The following PCDHA2 variants were observed in gnomAD, a reference collection of about 807,000 sequenced individuals.
PCDHA2 encodes the protein protocadherin alpha 2.
A neutral mutation model predicts 66.0 loss-of-function variants in PCDHA2; 58 were observed. The ratio of observed to expected loss-of-function variants is 0.88; its 90% CI spans 0.71 to 1.09. PCDHA2 has a LOEUF of 1.09. Among genes scored for constraint, PCDHA2 ranks in the 50% least tolerant of loss-of-function variants. PCDHA2 has a pLI of 0.00. For missense variants in PCDHA2, 1,267 were observed against 1,242.3 expected, an observed-to-expected ratio of 1.02 and a Z score of -0.30; for synonymous variants, 634 against 554.0, an observed-to-expected ratio of 1.14 and a Z score of -2.03.
intron 1 of PCDHA2, chr5:140,870,781 A>T: frequency 2.5e-6 from 4 of 1,613,654 alleles, no homozygotes; most frequent in Non-Finnish European, 3.4e-6. Flanking sequence ...CGAGAACGAC[A>T]ACGCGCCGGC....
At chr5:140,976,740 A>C (rs1425716353) in intron 1 of PCDHA2, among the ~76,000 whole-genome samples, 7 of 152,192 alleles carry the variant, frequency 4.6e-5, no homozygotes, top group African/African-American at 1.7e-4. Flanking sequence ...CACATTTTAA[A>C]AACCTCCCAG....
intron 3 of PCDHA2, among the ~76,000 whole-genome samples, chr5:140,997,793 T>G (rs2097785892): frequency 6.6e-6 from 1 of 152,112 alleles, no homozygotes; most frequent in Non-Finnish European, 1.5e-5. Context: ...ATATTATAAT[T>G]TATCCAATTT....
chr5:141,004,486 C>CT (rs2098167953), intron 3 of PCDHA2, among the ~76,000 whole-genome samples: 2 of 152,200 alleles, frequency 1.3e-5, no homozygotes, highest in South Asian at 4.1e-4. Flanking sequence ...TGGATTAACT[C>CT]TTGGCAGTCC....
At chr5:140,944,566 A>G (rs782290531) in intron 1 of PCDHA2, among the ~76,000 whole-genome samples, 37 of 152,182 alleles carry the variant, frequency 2.4e-4, no homozygotes, top group African/African-American at 7.5e-4. Context: ...CTGGCAACTT[A>G]CTGTAGAGAT....
At chr5:140,834,387 G>C in intron 1 of PCDHA2, 1 of 1,584,008 alleles carries the variant, frequency 6.3e-7, no homozygotes, top group South Asian at 1.2e-5. Flanking sequence ...ATTTGAAATG[G>C]TGTGCCCGAA....
intron 1 of PCDHA2, among the ~76,000 whole-genome samples, chr5:140,899,732 T>C (rs1174883648): frequency 6.6e-6 from 1 of 152,222 alleles, no homozygotes; most frequent in Non-Finnish European, 1.5e-5. Context: ...TTTCTATTGA[T>C]TGGAATAGTT....
intron 1 of PCDHA2, among the ~76,000 whole-genome samples, chr5:140,827,174 A>G (rs2150146581): frequency 1.9e-4 from 29 of 152,298 alleles, no homozygotes; most frequent in African/African-American, 7.0e-4. Context: ...TACCTCAATA[A>G]AAGTCTTATT....
At chr5:140,996,036 C>T (rs1324761666) in intron 3 of PCDHA2, among the ~76,000 whole-genome samples, 1 of 152,190 alleles carries the variant, frequency 6.6e-6, no homozygotes, top group Non-Finnish European at 1.5e-5. Context: ...GCTCCTAGCA[C>T]TTAACACAGT....
intron 1 of PCDHA2, among the ~76,000 whole-genome samples, chr5:140,908,711 T>A (rs951399125): frequency 6.6e-6 from 1 of 152,144 alleles, no homozygotes; most frequent in African/African-American, 2.4e-5. Flanking sequence ...CACCATTGGA[T>A]CTGCTGGGTC....
At position 140,877,186 on chromosome 5, in the gene PCDHA2, A is replaced by C; in HGVS notation, c.2388+79834A>C. On this transcript the variant is annotated intron_variant, in intron 1 of 3. Coordinates refer to ENST00000526136, the MANE Select transcript of PCDHA2 (RefSeq NM_018905.3). The stretch of plus-strand genomic sequence containing the variant: ...GGCACTGCTGGCGACTCCGGCTGGC[A>C]GCGCAGGAGGCGCAGTTAGCGAGTT... 1 of 1,613,832 alleles carries C rather than the reference A, an allele frequency of 6.2e-7. No homozygotes were observed. Among genetic ancestry groups the C allele is most frequent in the Non-Finnish European group, 8.5e-7 (1 of 1,179,822 alleles).
intron 1 of PCDHA2, among the ~76,000 whole-genome samples, chr5:140,846,137 A>G (rs1253647422): frequency 1.3e-5 from 2 of 149,716 alleles, no homozygotes; most frequent in Non-Finnish European, 3.0e-5. Flanking sequence ...TATGTTTCCC[A>G]TATTTAAAAG....
chr5:140,826,828 A>T lies in PCDHA2; in HGVS notation c.2388+29476A>T, dbSNP rs190779295. Among the ~76,000 whole-genome samples the T allele has an allele frequency of 4.9e-4, 75 of 152,292 alleles. No individual in the cohort carries two copies. In the South Asian group the frequency reaches 0.012, roughly 25 times the overall value. The stretch of plus-strand genomic sequence containing the variant: ...ACATGTGATTACATATTAGGTTACT[A>T]GAAGTTTCTCAAGTGTCTTGCAATT... On this transcript the variant is annotated intron_variant, in intron 1 of 3. Coordinates refer to ENST00000526136, the MANE Select transcript of PCDHA2 (RefSeq NM_018905.3).
intron 1 of PCDHA2, among the ~76,000 whole-genome samples, chr5:140,936,295 C>T (rs1482125698): frequency 1.3e-5 from 2 of 152,182 alleles, no homozygotes; most frequent in African/African-American, 4.8e-5. Context: ...TATAACATTG[C>T]TATCCAATAG....
chr5:140,916,068 C>G (rs928159450), intron 1 of PCDHA2, among the ~76,000 whole-genome samples: 1 of 152,166 alleles, frequency 6.6e-6, no homozygotes, highest in African/African-American at 2.4e-5. Context: ...TCCCTGTGGC[C>G]AGTACTACCA....
chr5:140,804,012 T>C (rs1763319982), intron 1 of PCDHA2: 1 of 212,586 alleles, frequency 4.7e-6, no homozygotes. Flanking sequence ...TGTTACTTGC[T>C]CATTTTATGA....
intron 1 of PCDHA2, chr5:140,884,726 T>A: frequency 6.9e-7 from 1 of 1,455,756 alleles, no homozygotes; most frequent in Non-Finnish European, 9.1e-7. Flanking sequence ...GTTGTTTGTT[T>A]AAGACATCTT....
chr5:140,828,429 C>A (rs2150155314), intron 1 of PCDHA2: 7 of 1,614,216 alleles, frequency 4.3e-6, no homozygotes, highest in East Asian at 2.2e-5. Context: ...GTGGACAGGC[C>A]GCTGCAGGTT....
intron 1 of PCDHA2, chr5:140,877,580 C>T (rs559831598): frequency 2.5e-6 from 4 of 1,613,804 alleles, no homozygotes; most frequent in African/African-American, 1.3e-5. Context: ...CTCATCATCG[C>T]CATCTGTGCG....
intron 1 of PCDHA2, chr5:140,852,675 C>G: frequency 3.1e-6 from 3 of 968,904 alleles, no homozygotes; most frequent in Non-Finnish European, 3.7e-6. Context: ...CACAACTCAC[C>G]TTGAATATAG....
Sources: gnomAD v4.1 joint callset for allele counts (sites outside exome capture counted in the v4.1 genomes callset) on GRCh38, gnomAD v4.1.1 for gene constraint, MANE v1.5 for transcripts, NCBI Gene and HGNC (gene_info 2026-07-23, HGNC 2026-07-21) for gene names.